BBC3: variants seen among roughly 807,000 people sequenced by gnomAD.
BBC3 encodes the protein bcl-2-binding component 3.
A neutral mutation model predicts 18.2 loss-of-function variants in BBC3; 5 were observed. The observed-to-expected ratio is 0.27, with a 90% CI of 0.14 to 0.58. BBC3 has a LOEUF of 0.58. Among genes scored for constraint, BBC3 ranks in the 20% least tolerant of loss-of-function variants. The probability of loss-of-function intolerance (pLI) is 0.91; values close to 1 mark genes in which losing one functional copy is unlikely to be tolerated. For missense variants in BBC3, 224 were observed against 268.9 expected, an observed-to-expected ratio of 0.83 and a Z score of 1.17; for synonymous variants, 119 against 128.0, an observed-to-expected ratio of 0.93 and a Z score of 0.47.
At position 47,228,819 on chromosome 19, in the gene BBC3, C is replaced by T. The variant is rs149262358; in HGVS notation, c.-15-373G>A. ...TCACAGCATGGGCTGGTGGGGACAA[C>T]TTTCCCAACACAGCGACGGGCACAC... is the stretch of plus-strand genomic sequence containing the variant. On this transcript the variant is annotated intron_variant, in intron 1 of 3. Transcript: ENST00000439096. The surrounding 1 kb of genome is among the most constrained non-coding windows in gnomAD (Gnocchi z 5.5). 1.3e-5 allele frequency among the ~76,000 whole-genome samples: 2 copies of T among 152,030 alleles called. No homozygotes were observed. The highest frequency in any genetic ancestry group is 6.6e-5 in the Admixed American group (1 of 15,260).
At chr19:47,223,351 G>C (rs918897055) in intron 3 of BBC3, among the ~76,000 whole-genome samples, 1 of 151,966 alleles carries the variant, frequency 6.6e-6, no homozygotes, top group Non-Finnish European at 1.5e-5. Context: ...TGGATCACCT[G>C]AGGTCAGGAG....
chr19:47,224,329 C>T (rs1031041373), intron 3 of BBC3, among the ~76,000 whole-genome samples: 3 of 151,968 alleles, frequency 2.0e-5, no homozygotes, highest in Admixed American at 6.6e-5. Flanking sequence ...ATCTGAAATA[C>T]ATTTAAAAAT....
Position 47,221,727 on chromosome 19 carries a change from C to T in BBC3, c.*75G>A, listed in dbSNP as rs373478289. The T allele has an allele frequency of 1.9e-5, 31 of 1,599,762 alleles. No homozygotes were observed. Among genetic ancestry groups the T allele is most frequent in the South Asian group, 8.9e-5 (8 of 89,934 alleles). On this transcript the variant is annotated 3_prime_UTR_variant, in exon 4 of 4. Coordinates refer to ENST00000439096, the MANE Select transcript of BBC3 (RefSeq NM_014417.5). The stretch of plus-strand genomic sequence containing the variant: ...TACATGGTGCAGAGAAAGTCCCCCG[C>T]GCTGGCCAGGGTGTCAGGAGGTGGG...
rs2058909044 is a variant in BBC3 at position 47,231,123 on chromosome 19, G to C, written c.-210C>G. 5.1e-6 allele frequency: 5 copies of C among 982,798 alleles called. No homozygotes were observed. The highest frequency in any genetic ancestry group is 6.0e-6 in the Non-Finnish European group (5 of 827,274). 60.9% of individuals were successfully genotyped at this position (982,798 alleles called of 1,614,324 possible). A position where few individuals can be genotyped will look rare whatever the true frequency, so the allele number is the denominator to read the frequency against. On this transcript the variant is annotated 5_prime_UTR_variant, in exon 1 of 4. Transcript: ENST00000439096. The surrounding 1 kb of genome is among the most constrained non-coding windows in gnomAD (Gnocchi z 4.0). Reference sequence around the variant, plus strand: ...CCCGGGCCGCAGGCGCGTCCGCGTCGTGGCCGCTGCTGGGATCGCTGGTGC... The same window carrying C: ...CCCGGGCCGCAGGCGCGTCCGCGTCCTGGCCGCTGCTGGGATCGCTGGTGC...
intron 3 of BBC3, among the ~76,000 whole-genome samples, chr19:47,226,303 C>T (rs975264470): frequency 1.2e-3 from 185 of 151,890 alleles, no homozygotes; most frequent in Non-Finnish European, 2.2e-3. Context: ...CACGGGCGCG[C>T]AGCTCCACTC....
intron 3 of BBC3, chr19:47,222,274 G>A (rs1377989188): frequency 3.6e-5 from 7 of 195,504 alleles, no homozygotes; most frequent in African/African-American, 1.6e-4. Flanking sequence ...GGCAAGATGA[G>A]GAGAAAGGAG....
rs1210544452 is a variant in BBC3 at position 47,230,358 on chromosome 19, G to A, written c.-16+571C>T. On this transcript the variant is annotated intron_variant, in intron 1 of 3. Transcript: ENST00000439096. This position sits in a 1 kb window ranked among gnomAD's most constrained non-coding sequence, Gnocchi z 6.7. ...TGCAGATCCACAACCCCGCACACGC[G>A]CGCTCCCACGGCGGTCCCAGACACC... Among the ~76,000 whole-genome samples, 4 of 151,692 alleles carry A rather than the reference G, an allele frequency of 2.6e-5. No homozygotes were observed. In the South Asian group the frequency reaches 8.3e-4, roughly 31 times the overall value.
chr19:47,224,171 TGTA>T (rs1276742200), intron 3 of BBC3, among the ~76,000 whole-genome samples: 2 of 152,098 alleles, frequency 1.3e-5, no homozygotes, highest in Non-Finnish European at 1.5e-5. Context: ...GGCAGGCATC[TGTA>T]ATCTCAGCTA....
At chr19:47,226,868 C>T in intron 2 of BBC3, 114 bp from the exon 3 acceptor site, 6 of 932,014 alleles carry the variant, frequency 6.4e-6, no homozygotes, top group Non-Finnish European at 8.9e-6. Context: ...CTAGTGATCC[C>T]ATCGCTAGTG....
intron 2 of BBC3, chr19:47,227,332 C>T (rs2058843842): frequency 8.3e-6 from 1 of 120,384 alleles, no homozygotes; most frequent in Admixed American, 8.7e-5. Flanking sequence ...CCCCCCACTT[C>T]TGAGCGCCCT....
chr19:47,222,526 A>G (rs1434325088), intron 3 of BBC3: 1 of 152,234 alleles, frequency 6.6e-6, no homozygotes, highest in Non-Finnish European at 1.5e-5. Context: ...ACTGGTAAAA[A>G]TTAAAGGCAA....
intron 3 of BBC3, among the ~76,000 whole-genome samples, chr19:47,223,438 A>G (rs2032810): frequency 0.21 from 32,160 of 150,746 alleles, 3,491 homozygotes; most frequent in East Asian, 0.37. Context: ...CTGGTGGCAC[A>G]CACCTGTATT....
chr19:47,227,991 C>G (rs780242849), intron 2 of BBC3, among the ~76,000 whole-genome samples, 167 bp downstream of exon 2: 1 of 152,150 alleles, frequency 6.6e-6, no homozygotes, highest in East Asian at 1.9e-4. Context: ...CCCCAGCCTC[C>G]GTCTTCCTGC....
In BBC3 at chr19:47,226,699, G is replaced by A. The variant is rs2123378306; in HGVS notation, c.330C>T (p.Ser110=). Residue 110 remains serine, a synonymous_variant, in exon 3 of 4, where the codon AGC becomes AGT. Transcript: ENST00000439096. The part of the protein sequence containing the change: ...AEQHLESPVP[S]APGALAGGPT... ...GACCGCCCGCCAGAGCCCCCGGGGC[G>A]CTGGGCACGGGCGACTCCAGGTGCT... 3.4e-6 allele frequency: 5 copies of A among 1,474,892 alleles called. No individual in the cohort carries two copies. Among genetic ancestry groups the A allele is most frequent in the Non-Finnish European group, 4.5e-6 (5 of 1,115,902 alleles). 91.4% of individuals were successfully genotyped at this position (1,474,892 alleles called of 1,614,324 possible).
chr19:47,232,418 G>A (rs1460990302), upstream of BBC3: 1 of 1,013,776 alleles, frequency 9.9e-7, no homozygotes. Context: ...AGAAGAAACT[G>A]ACCACCCACA....
In BBC3 at chr19:47,221,927, A is replaced by AAG. The variant is rs758746299; in HGVS notation, c.466-11_466-10dup. On this transcript the variant is annotated splice_polypyrimidine_tract_variant and intron_variant, in intron 3 of 3. Transcript: ENST00000439096. ...TGCTGCTCCTCTTGTCTCTGGGGAA[A>AAG]AGAGAGAGAAGGGGCAGTTAGCAGG... The AAG allele has an allele frequency of 1.6e-5, 25 of 1,594,206 alleles. No homozygotes were observed. Among genetic ancestry groups the AAG allele is most frequent in the Admixed American group, 3.6e-5 (2 of 56,180 alleles).
At chr19:47,223,645 C>T (rs1189209624) in intron 3 of BBC3, among the ~76,000 whole-genome samples, 1 of 152,160 alleles carries the variant, frequency 6.6e-6, no homozygotes, top group Non-Finnish European at 1.5e-5. Flanking sequence ...AGGCTCTGTG[C>T]TAAGTGGGGA....
At chr19:47,232,406 A>G (rs1469005220), upstream of BBC3, 3 of 870,210 alleles carry the variant, frequency 3.4e-6, no homozygotes, top group East Asian at 2.8e-5. Context: ...CAAATCAGAC[A>G]TAGAAGAAAC....
chr19:47,229,091 C>T (rs1384916758), intron 1 of BBC3, among the ~76,000 whole-genome samples: 2 of 152,110 alleles, frequency 1.3e-5, no homozygotes, highest in Admixed American at 1.3e-4. Flanking sequence ...CATCCCCACA[C>T]ATCCAAACTG....
Sources: gnomAD v4.1 joint callset for allele counts (sites outside exome capture counted in the v4.1 genomes callset) on GRCh38, gnomAD v4.1.1 for gene constraint, Gnocchi (gnomAD v3.1) non-coding constraint, MANE v1.5 for transcripts, NCBI Gene and HGNC (gene_info 2026-07-23, HGNC 2026-07-21) for gene names.